Variants in DMD observed in about 807,000 individuals in gnomAD.
The protein encoded by DMD is dystrophin.
Under a neutral mutation model 330.1 loss-of-function variants are expected in DMD, and 63 were observed. The observed-to-expected ratio is 0.19, with a 90% CI of 0.16 to 0.24. DMD has a LOEUF of 0.24. Ranked by LOEUF, DMD falls within the 10% of genes least tolerant of loss-of-function variation. DMD has a pLI of 1.00. For synonymous variants in DMD, 1,223 were observed against 959.8 expected, an observed-to-expected ratio of 1.27 and a Z score of -5.07; for missense variants, 3,344 against 2,684.1, an observed-to-expected ratio of 1.25 and a Z score of -5.43.
At chrX:31,592,424 TG>T (rs2076921777) in intron 55 of DMD, among the ~76,000 whole-genome samples, 1 of 104,338 alleles carries the variant, frequency 9.6e-6, no homozygotes, top group Non-Finnish European at 2.0e-5. Context: ...AATATTTTAA[TG>T]AGGAATTTGA....
At chrX:31,217,954 T>A (rs1469613212) in intron 64 of DMD, among the ~76,000 whole-genome samples, 1 of 112,148 alleles carries the variant, frequency 8.9e-6, no homozygotes, top group Non-Finnish European at 1.9e-5. Flanking sequence ...AAGTGAAAAT[T>A]TAAAGAAATT....
chrX:31,654,401 A>G (rs2080650636), intron 54 of DMD, among the ~76,000 whole-genome samples: 1 of 111,745 alleles, frequency 8.9e-6, no homozygotes, highest in African/African-American at 3.2e-5. Flanking sequence ...CTAAAAAGCT[A>G]TAGTTACAGA....
intron 47 of DMD, among the ~76,000 whole-genome samples, chrX:31,899,567 A>G: frequency 9.0e-6 from 1 of 111,087 alleles, no homozygotes. Flanking sequence ...AATATGACTG[A>G]TTTTCAAATC....
intron 44 of DMD, among the ~76,000 whole-genome samples, chrX:32,163,034 T>C (rs2096855906): frequency 9.0e-6 from 1 of 111,657 alleles, no homozygotes; most frequent in South Asian, 3.8e-4. Flanking sequence ...TACTGGGATG[T>C]CTAACAAGAT....
intron 44 of DMD, among the ~76,000 whole-genome samples, chrX:32,210,402 C>T (rs1389321123): frequency 9.0e-6 from 1 of 111,508 alleles, no homozygotes; most frequent in African/African-American, 3.3e-5. Flanking sequence ...CAGTGAAGGG[C>T]AACAGATGGT....
chrX:31,768,107 A>G (rs1016330745), intron 51 of DMD, among the ~76,000 whole-genome samples: 2 of 111,808 alleles, frequency 1.8e-5, no homozygotes, highest in Admixed American at 9.5e-5. Flanking sequence ...TCTTTATTCA[A>G]TACAAGTGCA....
At chrX:32,017,408 C>T (rs150609401) in intron 44 of DMD, among the ~76,000 whole-genome samples, 1 of 111,614 alleles carries the variant, frequency 9.0e-6, no homozygotes, top group African/African-American at 3.2e-5. Context: ...TTGGCATCGT[C>T]GTTGCATTTT....
chrX:32,278,755 G>C (rs989414749), intron 43 of DMD, among the ~76,000 whole-genome samples: 2 of 111,392 alleles, frequency 1.8e-5, no homozygotes, highest in African/African-American at 6.5e-5. Context: ...TATCTGTCTG[G>C]GTAAAACAAA....
chrX:31,326,658 A>C (rs2056807795), intron 61 of DMD, among the ~76,000 whole-genome samples: 1 of 109,970 alleles, frequency 9.1e-6, no homozygotes, highest in African/African-American at 3.3e-5. Flanking sequence ...CATCATAATC[A>C]CATACACACA....
chrX:31,719,769 C>G (rs192256041), intron 52 of DMD, among the ~76,000 whole-genome samples: 1 of 111,220 alleles, frequency 9.0e-6, no homozygotes, highest in East Asian at 2.8e-4. Flanking sequence ...GGTAAGCCAG[C>G]CACCACATCA....
intron 1 of DMD, among the ~76,000 whole-genome samples, chrX:33,243,883 A>C (rs1170209916): frequency 1.8e-5 from 2 of 111,564 alleles, no homozygotes; most frequent in Non-Finnish European, 3.8e-5. Flanking sequence ...GGGAATCAGA[A>C]GGGTGGAGGC....
At chrX:32,753,861 T>C (rs2071144044) in intron 7 of DMD, among the ~76,000 whole-genome samples, 1 of 111,701 alleles carries the variant, frequency 9.0e-6, no homozygotes, top group South Asian at 3.8e-4. Flanking sequence ...GTTGACCACA[T>C]GGTTGGTGTT....
rs372919641 is a variant in DMD, at chrX:32,734,678, C to A, written c.650-35385G>T. 1.0e-4 allele frequency among the ~76,000 whole-genome samples: 11 copies of A among 109,278 alleles called. 1 individual carries two copies. In the East Asian group the frequency reaches 1.4e-3, roughly 14 times the overall value. The allele number at this position is 109,278 out of a possible 115,157, so 94.9% of individuals were successfully genotyped here. On this transcript the variant is annotated intron_variant, in intron 7 of 78. Coordinates refer to ENST00000357033, the MANE Select transcript of DMD (RefSeq NM_004006.3). ...AAGACAAAAACCACATGATTATCTC[C>A]ATAGATGCAGAAAAGGCCTTTGACA...
intron 51 of DMD, among the ~76,000 whole-genome samples, chrX:31,733,807 G>A (rs1272180772): frequency 1.8e-5 from 2 of 111,099 alleles, no homozygotes; most frequent in Admixed American, 9.6e-5. Context: ...TGGCCAAATC[G>A]AAAACCATCC....
At position 33,009,044 on chromosome X, in the gene DMD, GTA is replaced by G. The variant is rs201084696; in HGVS notation, c.93+11093_93+11094del. Among the ~76,000 whole-genome samples, 20 of 92,609 alleles carry G rather than the reference GTA, an allele frequency of 2.2e-4. No homozygotes were observed. The East Asian group carries it at 4.0e-3, about 19-fold the overall frequency. The allele number at this position is 92,609 out of a possible 115,157, so 80.4% of individuals were successfully genotyped here. The stretch of plus-strand genomic sequence containing the variant: ...TATATATACACATGTGTGTATATAT[GTA>G]TATGTGTCTATATGCATACACACAT... On this transcript the variant is annotated intron_variant, in intron 2 of 78. Transcript: ENST00000357033.
chrX:31,310,175 T>C (rs938116463), intron 62 of DMD, among the ~76,000 whole-genome samples: 1 of 66,854 alleles, frequency 1.5e-5, no homozygotes, highest in Non-Finnish European at 2.6e-5. Context: ...CTCTTCGTTG[T>C]CCTCTCTCTC....
intron 50 of DMD, among the ~76,000 whole-genome samples, chrX:31,782,243 A>G (rs6631394): frequency 0.48 from 52,306 of 109,975 alleles, 9,207 homozygotes; most frequent in African/African-American, 0.61. Context: ...ATTAAGAGCC[A>G]TAGTCTGTTT....
chrX:33,194,411 T>C (rs771613279), intron 1 of DMD, among the ~76,000 whole-genome samples: 2 of 110,460 alleles, frequency 1.8e-5, no homozygotes, highest in Admixed American at 9.8e-5. Context: ...CATACGGAGA[T>C]CAAAATTGGG....
intron 16 of DMD, among the ~76,000 whole-genome samples, chrX:32,561,133 G>A (rs960063351): frequency 1.8e-5 from 2 of 111,423 alleles, no homozygotes; most frequent in South Asian, 3.8e-4. Flanking sequence ...TCTGTCTGGC[G>A]TGAGATGGTG....
Sources: allele counts gnomAD v4.1 joint callset (sites outside exome capture counted in the v4.1 genomes callset), GRCh38; gene constraint gnomAD v4.1.1; transcripts MANE v1.5; gene names NCBI Gene and HGNC (gene_info 2026-07-23, HGNC 2026-07-21).